The following NFIX variants were observed in gnomAD, a reference collection of about 807,000 sequenced individuals.
NFIX encodes nuclear factor 1 X-type.
A neutral mutation model predicts 53.3 loss-of-function variants in NFIX; 2 were observed. The ratio of observed to expected loss-of-function variants is 0.04; its 90% CI spans 0.02 to 0.12. The LOEUF is 0.12. Ranked by LOEUF, NFIX falls within the 10% of genes least tolerant of loss-of-function variation. The pLI, the probability that NFIX is intolerant of heterozygous loss-of-function variation, is 1.00. For synonymous variants in NFIX, 244 were observed against 289.0 expected (o/e 0.84, Z 1.58); for missense variants, 310 against 674.5 (o/e 0.46, Z 5.99).
intron 6 of NFIX, among the ~76,000 whole-genome samples, chr19:13,076,198 C>T (rs552228440): frequency 1.3e-5 from 2 of 152,282 alleles, no homozygotes; most frequent in African/African-American, 4.8e-5. Flanking sequence ...GGAATCCTCC[C>T]AGGATGAGAA....
At position 13,090,433 on chromosome 19, in the gene NFIX, G is replaced by T. The variant is rs770583605; in HGVS notation, c.1494+43G>T. Reference sequence around the variant, plus strand: ...CCACCTGGATGCAGGGACCAGGGGAGTAGTCAGGGTTGGGGGGCATCTTGG... The same window carrying T: ...CCACCTGGATGCAGGGACCAGGGGATTAGTCAGGGTTGGGGGGCATCTTGG... On this transcript the variant is annotated intron_variant, in intron 10 of 10. Transcript: ENST00000592199. The surrounding 1 kb of genome is among the most constrained non-coding windows in gnomAD (Gnocchi z 6.6). 10 of 1,568,690 alleles carry T rather than the reference G, an allele frequency of 6.4e-6. No homozygotes were observed. The highest frequency in any genetic ancestry group is 1.7e-4 in the Middle Eastern group (1 of 5,942).
chr19:12,995,818 TC>T lies in NFIX; in HGVS notation c.-17del. 2.1e-6 allele frequency: 2 copies of T among 974,584 alleles called. No homozygotes were observed. The highest frequency in any genetic ancestry group is 2.4e-6 in the Non-Finnish European group (2 of 824,168). The allele number at this position is 974,584 out of a possible 1,614,324, so 60.4% of individuals were successfully genotyped here. A position where few individuals can be genotyped will look rare whatever the true frequency, so the allele number is the denominator to read the frequency against. ...CCCTCGCCGCGGCCGGCCGCCGCGC[TC>T]CCGCCCGGGCGCCCAGCTATGTACT... On this transcript the variant is annotated 5_prime_UTR_variant, in exon 1 of 11. Transcript: ENST00000592199.
intron 7 of NFIX, among the ~76,000 whole-genome samples, chr19:13,079,976 G>T (rs1243981153): frequency 2.6e-5 from 4 of 152,234 alleles, no homozygotes; most frequent in Non-Finnish European, 5.9e-5. Context: ...TCGCACTCAG[G>T]AGATGTGTGT....
chr19:13,080,469 C>G (rs2145468349), intron 7 of NFIX, among the ~76,000 whole-genome samples: 1 of 152,312 alleles, frequency 6.6e-6, no homozygotes, highest in East Asian at 1.9e-4. Context: ...AAGTGATCCT[C>G]CCACCTTGGC....
At chr19:13,004,134 G>A (rs1161947948) in intron 1 of NFIX, among the ~76,000 whole-genome samples, 1 of 152,046 alleles carries the variant, frequency 6.6e-6, no homozygotes, top group Admixed American at 6.6e-5. Context: ...GACCCAGGAT[G>A]CTGCTCAGTC....
Position 12,998,517 on chromosome 19 carries a change from C to T in NFIX, c.27+2653C>T, listed in dbSNP as rs965815344. Among the ~76,000 whole-genome samples, 2 of 152,048 alleles carry T rather than the reference C, an allele frequency of 1.3e-5. No homozygotes were observed. The highest frequency in any genetic ancestry group is 1.3e-4 in the Admixed American group (2 of 15,282). On this transcript the variant is annotated intron_variant, in intron 1 of 10. Transcript: ENST00000592199. This position sits in a 1 kb window ranked among gnomAD's most constrained non-coding sequence, Gnocchi z 4.4. ...CGAAATTCAGGGCGGCCGGGTGGGG[C>T]GGTTCCTGGAGCTGCTGGAGTCCAT...
chr19:13,080,445 C>A (rs562241277), intron 7 of NFIX, among the ~76,000 whole-genome samples: 2 of 152,278 alleles, frequency 1.3e-5, no homozygotes, highest in East Asian at 3.9e-4. Context: ...AGGCTGACCT[C>A]CAACTCCTGG....
rs1488597218 is a variant in NFIX, at chr19:13,045,758, C to T, written c.559+20206C>T. On this transcript the variant is annotated intron_variant, in intron 2 of 10. Coordinates refer to ENST00000592199, the MANE Select transcript of NFIX (RefSeq NM_001365902.3). The surrounding 1 kb of genome is among the most constrained non-coding windows in gnomAD (Gnocchi z 4.4). ...CCTGTCCGTTCTCCCTCCCTTTTCTCGTAGGCTTCTTCCTCCTCCAGTGCA... is the reference window on the plus strand; with the variant it reads ...CCTGTCCGTTCTCCCTCCCTTTTCTTGTAGGCTTCTTCCTCCTCCAGTGCA... 4.6e-5 allele frequency among the ~76,000 whole-genome samples: 7 copies of T among 152,150 alleles called. No individual in the cohort carries two copies. The highest frequency in any genetic ancestry group is 4.8e-5 in the African/African-American group (2 of 41,422).
rs891884688 is a variant in NFIX, at chr19:13,068,663, G to A, written c.560-4384G>A. 6.6e-6 allele frequency among the ~76,000 whole-genome samples: 1 copy of A among 152,220 alleles called. No homozygotes were observed. Among genetic ancestry groups the A allele is most frequent in the African/African-American group, 2.4e-5 (1 of 41,468 alleles). On this transcript the variant is annotated intron_variant, in intron 2 of 10. Coordinates refer to ENST00000592199, the MANE Select transcript of NFIX (RefSeq NM_001365902.3). The surrounding 1 kb of genome is among the most constrained non-coding windows in gnomAD (Gnocchi z 4.2). ...GCCCCAGAACCTGGAGCCAAATCCC[G>A]TTTCAAAGGCTTCTTCAGCAGAGCC...
intron 5 of NFIX, 43 bp downstream of exon 5, chr19:13,074,069 C>G (rs758145369): frequency 3.2e-5 from 52 of 1,612,124 alleles, no homozygotes; most frequent in Non-Finnish European, 4.4e-5. Context: ...CTCCACTCCC[C>G]CCAGGGCCAG....
intron 2 of NFIX, among the ~76,000 whole-genome samples, chr19:13,035,780 T>C (rs2014144690): frequency 6.6e-6 from 1 of 152,186 alleles, no homozygotes; most frequent in Non-Finnish European, 1.5e-5. Flanking sequence ...CTTTTAAATA[T>C]AGAGGTATCT....
chr19:13,031,060 A>G (rs1289368415), intron 2 of NFIX, among the ~76,000 whole-genome samples: 1 of 152,218 alleles, frequency 6.6e-6, no homozygotes, highest in Non-Finnish European at 1.5e-5. Flanking sequence ...GCATGACCCC[A>G]AAGAGGAGAA....
At chr19:13,054,380 G>A (rs1430155588) in intron 2 of NFIX, among the ~76,000 whole-genome samples, 2 of 152,196 alleles carry the variant, frequency 1.3e-5, no homozygotes, top group Non-Finnish European at 2.9e-5. Context: ...CCTGCTTGCC[G>A]CAGAGTGGAA....
chr19:13,026,668 C>T (rs995832608), intron 2 of NFIX, among the ~76,000 whole-genome samples: 1 of 152,046 alleles, frequency 6.6e-6, no homozygotes, highest in African/African-American at 2.4e-5. Flanking sequence ...TTAAGCAAGG[C>T]AGAAGTGTGT....
chr19:13,008,261 C>T (rs1297188236), intron 1 of NFIX, among the ~76,000 whole-genome samples: 1 of 152,192 alleles, frequency 6.6e-6, no homozygotes, highest in Non-Finnish European at 1.5e-5. Flanking sequence ...TCCCCATCCA[C>T]AGAGGGACAC....
rs2018238437 is a variant in NFIX at position 13,093,013 on chromosome 19, C to T, written c.1495-1622C>T. Among the ~76,000 whole-genome samples, 2 of 152,272 alleles carry T rather than the reference C, an allele frequency of 1.3e-5. No individual in the cohort carries two copies. Among genetic ancestry groups the T allele is most frequent in the African/African-American group, 4.8e-5 (2 of 41,468 alleles). ...AGCATTTCTGCCCACCCAGCAGCGC[C>T]TGCTCATTGTGGCAATCCCAAACCG... On this transcript the variant is annotated intron_variant, in intron 10 of 10. Coordinates refer to ENST00000592199, the MANE Select transcript of NFIX (RefSeq NM_001365902.3). This position sits in a 1 kb window ranked among gnomAD's most constrained non-coding sequence, Gnocchi z 4.7.
chr19:13,033,672 T>C (rs1422264367), intron 2 of NFIX, among the ~76,000 whole-genome samples: 1 of 152,222 alleles, frequency 6.6e-6, no homozygotes, highest in East Asian at 1.9e-4. Flanking sequence ...CTCTATGGCT[T>C]TAGCACCAGG....
chr19:13,044,510 C>T (rs996500982), intron 2 of NFIX, among the ~76,000 whole-genome samples: 2 of 152,128 alleles, frequency 1.3e-5, no homozygotes, highest in African/African-American at 4.8e-5. Context: ...GAGGAAACTT[C>T]TCAGTCATGA....
At position 13,007,319 on chromosome 19, in the gene NFIX, C is replaced by T. The variant is rs74836657; in HGVS notation, c.27+11455C>T. 2.0e-4 allele frequency among the ~76,000 whole-genome samples: 31 copies of T among 152,282 alleles called. 1 individual carries two copies. In the East Asian group the frequency reaches 5.4e-3, roughly 27 times the overall value. ...GCCTGTGGACATCAGGGGCTTTCTGCGTGCTCGTGTGTATCTCTGGGGTTG... is the reference window on the plus strand; with the variant it reads ...GCCTGTGGACATCAGGGGCTTTCTGTGTGCTCGTGTGTATCTCTGGGGTTG... On this transcript the variant is annotated intron_variant, in intron 1 of 10. Coordinates refer to ENST00000592199, the MANE Select transcript of NFIX (RefSeq NM_001365902.3).
Sources: gnomAD v4.1 joint callset for allele counts (sites outside exome capture counted in the v4.1 genomes callset) on GRCh38, gnomAD v4.1.1 for gene constraint, Gnocchi (gnomAD v3.1) non-coding constraint, MANE v1.5 for transcripts, NCBI Gene and HGNC (gene_info 2026-07-23, HGNC 2026-07-21) for gene names.